TRIT1: variants seen among roughly 807,000 people sequenced by gnomAD.
TRIT1 encodes the protein tRNA dimethylallyltransferase.
Under a neutral mutation model 51.2 loss-of-function variants are expected in TRIT1, and 43 were observed. That is an observed-to-expected ratio of 0.84 (90% CI 0.66 to 1.08). The LOEUF is 1.08. Among genes scored for constraint, TRIT1 ranks in the 50% least tolerant of loss-of-function variants. The pLI is 0.00. For synonymous variants in TRIT1, 184 were observed against 203.9 expected (o/e 0.90, Z 0.83); for missense variants, 528 against 578.4 (o/e 0.91, Z 0.89).
rs571940493 is a variant in TRIT1, at chr1:39,841,630, C to T, written c.*114G>A. 2 of 1,090,952 alleles carry T rather than the reference C, an allele frequency of 1.8e-6. No homozygotes were observed. Among genetic ancestry groups the T allele is most frequent in the East Asian group, 2.6e-5 (1 of 38,358 alleles). The allele number at this position is 1,090,952 out of a possible 1,614,324, so 67.6% of individuals were successfully genotyped here. A position where few individuals can be genotyped will look rare whatever the true frequency, so the allele number is the denominator to read the frequency against. ...TCAAAAGAAAATGGTGGGAGCTTTT[C>T]TGCTATGCAGAGAATTCCGCATAGC... On this transcript the variant is annotated 3_prime_UTR_variant, in exon 11 of 11. Transcript: ENST00000316891.
chr1:39,854,902 C>T (rs532442967), intron 2 of TRIT1, among the ~76,000 whole-genome samples: 2 of 151,942 alleles, frequency 1.3e-5, no homozygotes, highest in Non-Finnish European at 2.9e-5. Context: ...AGTGTAGTGG[C>T]GCGAAAACAG....
In TRIT1 at chr1:39,879,358, CT is replaced by C. The variant is rs1205025936; in HGVS notation, c.174+3959del. Among the ~76,000 whole-genome samples, 150 of 152,232 alleles carry C rather than the reference CT, an allele frequency of 9.9e-4. 1 individual carries two copies. The highest frequency in any genetic ancestry group is 1.1e-3 in the Non-Finnish European group (76 of 68,016). ...ATGGCTTTGTGTAGCAGATATGCCA[CT>C]GGGGATGGAAAGCAGACACTTTCAT... On this transcript the variant is annotated intron_variant, in intron 1 of 10. Coordinates refer to ENST00000316891, the MANE Select transcript of TRIT1 (RefSeq NM_017646.6).
intron 10 of TRIT1, 128 bp from the exon 11 acceptor site, chr1:39,842,041 T>G (rs1641938938): frequency 5.7e-6 from 6 of 1,057,518 alleles, no homozygotes; most frequent in Non-Finnish European, 5.3e-6. Flanking sequence ...GATCAACACA[T>G]GTACTAGTAT....
At chr1:39,862,800 C>T (rs1321850635) in intron 1 of TRIT1, 1 of 985,302 alleles carries the variant, frequency 1.0e-6, no homozygotes, top group African/African-American at 1.7e-5. Flanking sequence ...TATTTTTCAG[C>T]TTCAATTACA....
At chr1:39,868,693 C>G (rs1218723145) in intron 1 of TRIT1, among the ~76,000 whole-genome samples, 27 of 151,696 alleles carry the variant, frequency 1.8e-4, no homozygotes, top group Non-Finnish European at 7.4e-5. Flanking sequence ...GAAAACAACC[C>G]CACTCCCGTG....
At chr1:39,869,010 A>G (rs1643712290) in intron 1 of TRIT1, among the ~76,000 whole-genome samples, 1 of 151,944 alleles carries the variant, frequency 6.6e-6, no homozygotes, top group African/African-American at 2.4e-5. Context: ...CAGTGAGCCG[A>G]GATCGTGCCA....
At chr1:39,856,203 G>A (rs1642887542) in intron 2 of TRIT1, among the ~76,000 whole-genome samples, 1 of 152,126 alleles carries the variant, frequency 6.6e-6, no homozygotes, top group Non-Finnish European at 1.5e-5. Flanking sequence ...CTACTCAGGA[G>A]GATGAGGCAG....
intron 1 of TRIT1, among the ~76,000 whole-genome samples, chr1:39,858,059 C>G (rs1157314350): frequency 1.3e-5 from 2 of 152,178 alleles, no homozygotes; most frequent in Non-Finnish European, 2.9e-5. Context: ...AGCTCTTGAT[C>G]TGCCAATTCG....
At position 39,883,359 on chromosome 1, in the gene TRIT1, G is replaced by A; in HGVS notation, c.133C>T (p.Gln45Ter). 1 of 1,612,660 alleles carries A rather than the reference G, an allele frequency of 6.2e-7. No homozygotes were observed. The highest frequency in any genetic ancestry group is 8.5e-7 in the Non-Finnish European group (1 of 1,179,570). ...CTGACGATCTCACCGCCGAGCCGCT[G>A]GCCTAGCTGCAACGCCAGCGTGGAT... ...GKSTLALQLG[Q>*]RLGGEIVSAD... The change falls in exon 1 of 11, where the codon CAG (glutamine) becomes TAG (stop). Residue 45 changes from glutamine to a stop codon, truncating the protein, a stop_gained. Transcript: ENST00000316891. LOFTEE classifies it high-confidence loss of function.
intron 1 of TRIT1, among the ~76,000 whole-genome samples, chr1:39,859,298 G>GAAAAAAAAAA (rs1643099762): frequency 6.6e-5 from 5 of 76,156 alleles, no homozygotes; most frequent in Non-Finnish European, 8.8e-5. Flanking sequence ...AAAAAAAAAC[G>GAAAAAAAAAA]AAAGAGGCCA....
At chr1:39,849,708 A>G (rs547639961) in intron 5 of TRIT1, among the ~76,000 whole-genome samples, 165 of 152,372 alleles carry the variant, frequency 1.1e-3, no homozygotes, top group Non-Finnish European at 1.8e-3. Flanking sequence ...TATCACGGAC[A>G]TAATTATACT....
At chr1:39,847,349 C>T (rs761576456) in intron 7 of TRIT1, 52 bp from the exon 8 acceptor site, 31 of 1,549,592 alleles carry the variant, frequency 2.0e-5, no homozygotes, top group Non-Finnish European at 2.7e-5. Context: ...CCTTACCCTG[C>T]AGAGAGGCAG....
intron 1 of TRIT1, among the ~76,000 whole-genome samples, chr1:39,866,314 A>G (rs1383517870): frequency 6.6e-6 from 1 of 152,192 alleles, no homozygotes; most frequent in Non-Finnish European, 1.5e-5. Flanking sequence ...CTGGGATTAT[A>G]GGCACCTGTC....
chr1:39,851,985 T>C (rs769848679), intron 4 of TRIT1, among the ~76,000 whole-genome samples: 10 of 151,672 alleles, frequency 6.6e-5, no homozygotes, highest in Admixed American at 5.9e-4. Context: ...ATAATGAATG[T>C]TTTAAATCCT....
intron 1 of TRIT1, among the ~76,000 whole-genome samples, chr1:39,878,169 G>GA (rs201680469): frequency 8.9e-4 from 134 of 150,110 alleles, no homozygotes; most frequent in African/African-American, 3.1e-3. Context: ...CTGTGTCATA[G>GA]AAAAAAAAAG....
intron 8 of TRIT1, 57 bp from the exon 9 acceptor site, chr1:39,844,697 A>G (rs1642127560): frequency 8.0e-7 from 1 of 1,246,782 alleles, no homozygotes; most frequent in Non-Finnish European, 1.2e-6. Context: ...TCTATTCTGC[A>G]GCCAGGACTC....
intron 1 of TRIT1, among the ~76,000 whole-genome samples, chr1:39,872,752 AACAC>A (rs61554657): frequency 0.14 from 19,473 of 134,932 alleles, 1,707 homozygotes; most frequent in Non-Finnish European, 0.21. Context: ...GGAAGTACTA[AACAC>A]ACACACACAC....
intron 1 of TRIT1, among the ~76,000 whole-genome samples, chr1:39,872,803 AAAGG>A (rs1446083230): frequency 1.3e-4 from 17 of 133,086 alleles, no homozygotes; most frequent in Non-Finnish European, 2.1e-4. Flanking sequence ...AAAGAGAGAG[AAAGG>A]AAGGAAGGGA....
intron 1 of TRIT1, among the ~76,000 whole-genome samples, chr1:39,872,752 A>AACACACACACACACACACACACACAC (rs61554657): frequency 4.9e-4 from 66 of 135,082 alleles, no homozygotes; most frequent in Non-Finnish European, 7.7e-4. Flanking sequence ...GGAAGTACTA[A>AACACACACACACACACACACACACAC]ACACACACAC....
Sources: allele counts gnomAD v4.1 joint callset (sites outside exome capture counted in the v4.1 genomes callset), GRCh38; gene constraint gnomAD v4.1.1; transcripts MANE v1.5; gene names NCBI Gene and HGNC (gene_info 2026-07-23, HGNC 2026-07-21).